Variants in WDFY3 observed in about 807,000 individuals in gnomAD.
WDFY3 encodes the protein WD repeat and FYVE domain-containing protein 3.
A neutral mutation model predicts 409.6 loss-of-function variants in WDFY3; 66 were observed. That is an observed-to-expected ratio of 0.16 (90% confidence interval 0.13 to 0.20). The LOEUF (loss-of-function observed/expected upper bound fraction) is 0.20. Ranked by LOEUF, WDFY3 falls within the 10% of genes least tolerant of loss-of-function variation. The probability of loss-of-function intolerance (pLI) is 1.00; values close to 1 mark genes in which losing one functional copy is unlikely to be tolerated. For synonymous variants in WDFY3, 1,521 were observed against 1,537.1 expected (o/e 0.99, Z 0.25); for missense variants, 3,031 against 4,298.1 (o/e 0.71, Z 8.24).
chr4:84,709,251 AT>A (rs1410095934), intron 52 of WDFY3, 41 bp downstream of exon 52: 1 of 1,564,906 alleles, frequency 6.4e-7, no homozygotes. Flanking sequence ...TTCTACTCTA[AT>A]TACGAACTTC....
chr4:84,794,967 C>A lies in WDFY3; in HGVS notation c.3180G>T (p.Leu1060Phe). The change falls in exon 20 of 68, where the codon TTG becomes TTT. Residue 1060 changes from leucine to phenylalanine, a missense_variant. Physicochemically the swap from Leu to Phe is conservative, Grantham distance 22. Around this residue, in one of 16 missense-constraint regions of WDFY3, gnomAD observed 1,322 missense variants for 1,697.9 expected, o/e 0.78. Coordinates refer to ENST00000295888, the MANE Select transcript of WDFY3 (RefSeq NM_014991.6). ...GAGCATTATGAGGGGCCAAACTGGG[C>A]AAAAAAAGACATCTATTAAAGAAAA... is the stretch of plus-strand genomic sequence containing the variant. ...TSLEGFGCLF[L>F]PSLAPHNAPT... The A allele has an allele frequency of 1.3e-6, 2 of 1,546,986 alleles. No individual in the cohort carries two copies. Among genetic ancestry groups the A allele is most frequent in the South Asian group, 1.3e-5 (1 of 76,992 alleles).
chr4:84,954,880 A>G (rs1024062777), intron 1 of WDFY3, among the ~76,000 whole-genome samples: 1 of 152,156 alleles, frequency 6.6e-6, no homozygotes, highest in African/African-American at 2.4e-5. Context: ...TAACTGCTCA[A>G]TATTTCTTGC....
intron 41 of WDFY3, 86 bp from the exon 42 acceptor site, chr4:84,736,413 C>A: frequency 7.6e-7 from 1 of 1,309,742 alleles, no homozygotes; most frequent in Non-Finnish European, 1.0e-6. Context: ...TTATAAACTA[C>A]AACCCTGTAG....
At chr4:84,916,305 T>G (rs944192398) in intron 2 of WDFY3, among the ~76,000 whole-genome samples, 2 of 152,172 alleles carry the variant, frequency 1.3e-5, no homozygotes, top group African/African-American at 4.8e-5. Context: ...ATCATTATAC[T>G]AGTCCTCTCT....
In WDFY3 at chr4:84,798,072, A is replaced by G. The variant is rs1399563266; in HGVS notation, c.2859T>C (p.Gly953=). ...GTTTTAGCAGTTTTTTGTCCCAGGC[A>G]CCACAATTTAAAGGACTTGCCAAAC... is the stretch of plus-strand genomic sequence containing the variant. The part of the protein sequence containing the change: ...FLRLASPLNC[G]AWDKKLLKQY... Residue 953 remains glycine (G), a synonymous_variant, in exon 18 of 68, where the codon GGT becomes GGC. Coordinates refer to ENST00000295888, the MANE Select transcript of WDFY3 (RefSeq NM_014991.6). The G allele has an allele frequency of 1.2e-6, 2 of 1,613,402 alleles. No homozygotes were observed. Among genetic ancestry groups the G allele is most frequent in the African/African-American group, 2.7e-5 (2 of 74,918 alleles).
chr4:84,771,688 CT>C lies in WDFY3; in HGVS notation c.4849+1146del, dbSNP rs773578397. On this transcript the variant is annotated intron_variant, in intron 30 of 67. Coordinates refer to ENST00000295888, the MANE Select transcript of WDFY3 (RefSeq NM_014991.6). ...ATCTTTTTGGGCTGCAGTTTCCTCC[CT>C]TGTATAATTGGAATAATAGTACCTA... Among the ~76,000 whole-genome samples the C allele has an allele frequency of 1.1e-4, 17 of 152,020 alleles. 1 individual carries two copies. The highest frequency in any genetic ancestry group is 5.9e-4 in the Admixed American group (9 of 15,244).
At chr4:84,892,326 G>A (rs998346055) in intron 3 of WDFY3, among the ~76,000 whole-genome samples, 1 of 151,366 alleles carries the variant, frequency 6.6e-6, no homozygotes, top group African/African-American at 2.4e-5. Flanking sequence ...CTTATAAAGT[G>A]TGCATGTGTG....
intron 30 of WDFY3, among the ~76,000 whole-genome samples, chr4:84,768,886 A>T (rs1014218136): frequency 6.6e-6 from 1 of 152,202 alleles, no homozygotes; most frequent in Admixed American, 6.5e-5. Context: ...TTTGGATAAA[A>T]TTCACCACTT....
At position 84,696,200 on chromosome 4, in the gene WDFY3, G is replaced by A; in HGVS notation, c.8689-18C>T. 6.2e-7 allele frequency: 1 copy of A among 1,611,804 alleles called. No individual in the cohort carries two copies. Among genetic ancestry groups the A allele is most frequent in the South Asian group, 1.1e-5 (1 of 90,894 alleles). On this transcript the variant is annotated intron_variant, in intron 57 of 67. Coordinates refer to ENST00000295888, the MANE Select transcript of WDFY3 (RefSeq NM_014991.6). ...TCCAAAGCCTGTAATTTCAAACATAGGTTTAGTCACTGGCTGACTTCTATT... is the reference window on the plus strand; with the variant it reads ...TCCAAAGCCTGTAATTTCAAACATAAGTTTAGTCACTGGCTGACTTCTATT...
At chr4:84,924,036 T>A (rs1769655891) in intron 2 of WDFY3, among the ~76,000 whole-genome samples, 1 of 152,176 alleles carries the variant, frequency 6.6e-6, no homozygotes, top group Admixed American at 6.5e-5. Context: ...AACATTTATA[T>A]AAATAAATTC....
intron 4 of WDFY3, among the ~76,000 whole-genome samples, chr4:84,852,763 C>T (rs555880665): frequency 9.2e-5 from 14 of 151,660 alleles, no homozygotes; most frequent in African/African-American, 3.4e-4. Flanking sequence ...ATAAACCTCC[C>T]CTTTTTTTTT....
intron 34 of WDFY3, among the ~76,000 whole-genome samples, chr4:84,754,196 T>C (rs1578373112): frequency 6.6e-6 from 1 of 152,162 alleles, no homozygotes; most frequent in African/African-American, 2.4e-5. Flanking sequence ...AAAGTGGCTG[T>C]ATTACCATTA....
At chr4:84,917,073 T>C (rs1482490996) in intron 2 of WDFY3, among the ~76,000 whole-genome samples, 1 of 152,158 alleles carries the variant, frequency 6.6e-6, no homozygotes, top group African/African-American at 2.4e-5. Flanking sequence ...TGAATAGATA[T>C]CTTTTTCGTG....
rs1253842388 is a variant in WDFY3 at position 84,802,118 on chromosome 4, T to C, written c.2608-254A>G. ...GCCCACCACCACGCCCAGTTAACTT[T>C]TGTATTTTTAGTAGAGACAGGGTTT... On this transcript the variant is annotated intron_variant, in intron 16 of 67. Coordinates refer to ENST00000295888, the MANE Select transcript of WDFY3 (RefSeq NM_014991.6). Among the ~76,000 whole-genome samples the C allele has an allele frequency of 4.6e-5, 7 of 151,920 alleles. No homozygotes were observed. In the South Asian group the frequency reaches 6.2e-4, roughly 14 times the overall value.
At chr4:84,753,242 G>A (rs1244855238) in intron 35 of WDFY3, among the ~76,000 whole-genome samples, 4 of 152,012 alleles carry the variant, frequency 2.6e-5, no homozygotes, top group African/African-American at 9.7e-5. Flanking sequence ...AAAGTCAGGC[G>A]GAAGAAAGGA....
intron 4 of WDFY3, among the ~76,000 whole-genome samples, chr4:84,859,391 T>C (rs371482458): frequency 1.3e-5 from 2 of 152,074 alleles, no homozygotes; most frequent in African/African-American, 4.8e-5. Flanking sequence ...AAGAAGCTAA[T>C]TCTTATATTC....
Position 84,678,296 on chromosome 4 carries a change from G to A in WDFY3, c.10148-17C>T, listed in dbSNP as rs1319729836. On this transcript the variant is annotated splice_polypyrimidine_tract_variant and intron_variant, in intron 65 of 67. Coordinates refer to ENST00000295888, the MANE Select transcript of WDFY3 (RefSeq NM_014991.6). ...ATCGGTACCCTGGAATGGAGAAGTG[G>A]AGGACACAACATAACTCAACTGAGA... The A allele has an allele frequency of 1.9e-6, 3 of 1,590,014 alleles. No homozygotes were observed. Among genetic ancestry groups the A allele is most frequent in the South Asian group, 2.2e-5 (2 of 90,614 alleles).
intron 1 of WDFY3, among the ~76,000 whole-genome samples, chr4:84,958,817 C>A (rs1247353274): frequency 2.0e-5 from 3 of 152,194 alleles, no homozygotes; most frequent in African/African-American, 7.2e-5. Context: ...GCTTCAGAGC[C>A]TCAGCACTTG....
chr4:84,839,727 G>A (rs374664919), intron 6 of WDFY3, among the ~76,000 whole-genome samples: 13 of 151,864 alleles, frequency 8.6e-5, no homozygotes, highest in Admixed American at 2.0e-4. Flanking sequence ...GTGTGGTGGC[G>A]CGCGCCTGTA....
Sources: allele counts gnomAD v4.1 joint callset (sites outside exome capture counted in the v4.1 genomes callset), GRCh38; gene constraint gnomAD v4.1.1; regional missense constraint gnomAD v4.1.1; transcripts MANE v1.5; gene names NCBI Gene and HGNC (gene_info 2026-07-23, HGNC 2026-07-21).